The following ADAMTSL1 variants were observed in gnomAD, a reference collection of about 807,000 sequenced individuals.
ADAMTSL1 encodes the protein ADAMTS like 1, also known as ADAMTS-like protein 1.
Under a neutral mutation model 201.8 loss-of-function variants are expected in ADAMTSL1, and 126 were observed. The observed-to-expected ratio is 0.62, with a 90% confidence interval of 0.54 to 0.72. The LOEUF is 0.72. ADAMTSL1 is among the 30% of genes least tolerant of loss of function. The pLI is 0.00. For synonymous variants in ADAMTSL1, 1,121 were observed against 903.4 expected (o/e 1.24, Z -4.32); for missense variants, 2,679 against 2,277.8 (o/e 1.18, Z -3.59).
At chr9:18,718,435 T>G (rs978916324) in intron 14 of ADAMTSL1, 51 of 637,540 alleles carry the variant, frequency 8.0e-5, no homozygotes, top group South Asian at 6.6e-4. Context: ...ATAGGACATA[T>G]TTTTCAACAA....
intron 20 of ADAMTSL1, among the ~76,000 whole-genome samples, chr9:18,801,451 T>G (rs147871558): frequency 6.6e-6 from 1 of 152,158 alleles, no homozygotes; most frequent in Non-Finnish European, 1.5e-5. Flanking sequence ...CACAGGGATT[T>G]GTTGTACAGA....
At chr9:18,886,162 A>ATGTGTG (rs558491553) in intron 23 of ADAMTSL1, among the ~76,000 whole-genome samples, 1 of 58,752 alleles carries the variant, frequency 1.7e-5, no homozygotes, top group African/African-American at 7.4e-5. Flanking sequence ...GTGAGTGTGT[A>ATGTGTG]TGTGTATATA....
At chr9:18,443,633 C>G (rs1034066587) in intron 2 of ADAMTSL1, among the ~76,000 whole-genome samples, 2 of 152,156 alleles carry the variant, frequency 1.3e-5, no homozygotes, top group African/African-American at 4.8e-5. Context: ...TAAATCAGTT[C>G]AGGGTGAATG....
At chr9:18,005,628 A>T (rs894976889) in intron 1 of ADAMTSL1, among the ~76,000 whole-genome samples, 3 of 152,084 alleles carry the variant, frequency 2.0e-5, no homozygotes, top group Non-Finnish European at 4.4e-5. Flanking sequence ...CCAACCAAGT[A>T]GGTCTTAACT....
At chr9:18,883,319 C>T (rs144964135) in intron 23 of ADAMTSL1, among the ~76,000 whole-genome samples, 1 of 152,148 alleles carries the variant, frequency 6.6e-6, no homozygotes, top group Non-Finnish European at 1.5e-5. Context: ...CCAGTCCCGG[C>T]ATGACTTTCT....
chr9:18,335,419 T>C (rs1835193567), intron 2 of ADAMTSL1, among the ~76,000 whole-genome samples: 1 of 152,232 alleles, frequency 6.6e-6, no homozygotes, highest in Non-Finnish European at 1.5e-5. Context: ...ACCAACCTAC[T>C]GACCACAGAT....
intron 4 of ADAMTSL1, among the ~76,000 whole-genome samples, chr9:18,602,820 A>G (rs1321452448): frequency 1.3e-5 from 2 of 152,200 alleles, no homozygotes; most frequent in African/African-American, 4.8e-5. Flanking sequence ...TATCTGACAC[A>G]TGAAGTTAAG....
rs41268993 is a variant in ADAMTSL1, at chr9:18,909,078, C to T, written c.*530C>T. 0.16 allele frequency: 25,496 copies of T among 155,412 alleles called. 3,339 individuals carry two copies. Among genetic ancestry groups the T allele is most frequent in the African/African-American group, 0.36 (15,133 of 41,480 alleles). The allele number at this position is 155,412 out of a possible 1,614,324, so 9.6% of individuals were successfully genotyped here. On this transcript the variant is annotated 3_prime_UTR_variant, in exon 29 of 29. Transcript: ENST00000380548. The stretch of plus-strand genomic sequence containing the variant: ...CACCATGCTGAGGCAGAAACTAGCC[C>T]AGAACTCACTCAGTTCTTCTAGTGG...
chr9:18,869,289 C>T (rs376814991), intron 23 of ADAMTSL1, among the ~76,000 whole-genome samples: 5 of 152,196 alleles, frequency 3.3e-5, no homozygotes, highest in East Asian at 1.9e-4. Flanking sequence ...TTATACAAGC[C>T]AAGGCCACCC....
At chr9:18,420,041 T>C (rs1818871829) in intron 2 of ADAMTSL1, among the ~76,000 whole-genome samples, 1 of 152,164 alleles carries the variant, frequency 6.6e-6, no homozygotes, top group South Asian at 2.1e-4. Flanking sequence ...TTGAAATTCT[T>C]AAAAAACAAA....
intron 23 of ADAMTSL1, among the ~76,000 whole-genome samples, chr9:18,838,827 A>T (rs1352703138): frequency 2.0e-5 from 3 of 151,532 alleles, no homozygotes; most frequent in Non-Finnish European, 2.9e-5. Context: ...AGTGAGCTAT[A>T]ATCGCACCAC....
rs12349955 is a variant in ADAMTSL1 at position 18,465,943 on chromosome 9, G to T, written c.208-38886G>T. Among the ~76,000 whole-genome samples the T allele has an allele frequency of 8.4e-3, 1,272 of 152,064 alleles. 16 individuals carry two copies. Among genetic ancestry groups the T allele is most frequent in the African/African-American group, 0.029 (1,208 of 41,490 alleles). On this transcript the variant is annotated intron_variant, in intron 2 of 29. Transcript: ENST00000680146. Reference sequence around the variant, plus strand: ...TTGTTTTTTTTTTAGTAGAGATGGGGTTTCACCACATTGGCCAAGCTGGTC... The same window carrying T: ...TTGTTTTTTTTTTAGTAGAGATGGGTTTTCACCACATTGGCCAAGCTGGTC...
intron 6 of ADAMTSL1, among the ~76,000 whole-genome samples, chr9:18,638,983 A>G (rs180880476): frequency 2.0e-5 from 3 of 152,242 alleles, no homozygotes; most frequent in Admixed American, 2.0e-4. Context: ...GGATGCCCAA[A>G]TAACATCATC....
At chr9:18,272,821 C>A (rs1832434287) in intron 2 of ADAMTSL1, among the ~76,000 whole-genome samples, 2 of 152,188 alleles carry the variant, frequency 1.3e-5, no homozygotes. Flanking sequence ...TGAAGCCTTT[C>A]CTTAGTACTA....
At chr9:18,095,718 T>C (rs1824222902) in intron 1 of ADAMTSL1, among the ~76,000 whole-genome samples, 2 of 152,228 alleles carry the variant, frequency 1.3e-5, no homozygotes, top group South Asian at 4.1e-4. Flanking sequence ...GCCACTGTGG[T>C]GGCCCTCCCT....
chr9:18,410,628 G>A (rs934128724), intron 2 of ADAMTSL1, among the ~76,000 whole-genome samples: 1 of 152,038 alleles, frequency 6.6e-6, no homozygotes, highest in African/African-American at 2.4e-5. Flanking sequence ...TCATTGATGG[G>A]CATTCAGGTT....
intron 1 of ADAMTSL1, among the ~76,000 whole-genome samples, chr9:18,103,912 T>C (rs542406591): frequency 3.9e-4 from 59 of 152,300 alleles, no homozygotes; most frequent in Non-Finnish European, 6.9e-4. Flanking sequence ...ACTTTGGAGA[T>C]GTGTATGCTG....
chr9:18,141,511 C>A (rs145999965), intron 1 of ADAMTSL1, among the ~76,000 whole-genome samples: 1 of 152,094 alleles, frequency 6.6e-6, no homozygotes, highest in African/African-American at 2.4e-5. Context: ...GAAATGAGAG[C>A]CCCCTCACTC....
chr9:18,487,959 T>C (rs1027345878), intron 1 of ADAMTSL1, among the ~76,000 whole-genome samples: 2 of 152,202 alleles, frequency 1.3e-5, no homozygotes, highest in African/African-American at 2.4e-5. Context: ...ATAGCAGCCA[T>C]AGTTTAGTGA....
Sources: allele counts gnomAD v4.1 joint callset (sites outside exome capture counted in the v4.1 genomes callset), GRCh38; gene constraint gnomAD v4.1.1; transcripts MANE v1.5; gene names NCBI Gene and HGNC (gene_info 2026-07-23, HGNC 2026-07-21).